The following LRRC56 variants were observed in gnomAD, a reference collection of about 807,000 sequenced individuals.
LRRC56 encodes leucine-rich repeat-containing protein 56.
Under a neutral mutation model 47.8 loss-of-function variants are expected in LRRC56, and 41 were observed. The observed-to-expected ratio is 0.86, with a 90% CI of 0.67 to 1.11. The LOEUF (loss-of-function observed/expected upper bound fraction) is 1.11. LRRC56 is among the 50% of genes most tolerant of loss of function. The probability of loss-of-function intolerance (pLI) is 0.00; values close to 1 mark genes in which losing one functional copy is unlikely to be tolerated. For missense variants in LRRC56, 759 were observed against 704.2 expected (o/e 1.08, Z -0.88); for synonymous variants, 387 against 311.2 (o/e 1.24, Z -2.56).
At chr11:548,983 C>G (rs1852226626) in intron 6 of LRRC56, among the ~76,000 whole-genome samples, 1 of 152,066 alleles carries the variant, frequency 6.6e-6, no homozygotes, top group African/African-American at 2.4e-5. Context: ...AAATCCCAGC[C>G]AATTCAGAGC....
chr11:535,435 C>T (rs1851431559), upstream of LRRC56: 1 of 146,030 alleles, frequency 6.8e-6, no homozygotes, highest in Admixed American at 6.9e-5. Flanking sequence ...GCGCGACTGC[C>T]CCCGGGGCCA....
rs754153185 is a variant in LRRC56 at position 552,523 on chromosome 11, C to T, written c.1182-46C>T. The T allele has an allele frequency of 1.6e-5, 24 of 1,531,596 alleles. 1 individual carries two copies. The highest frequency in any genetic ancestry group is 1.5e-4 in the African/African-American group (11 of 73,304). The allele number at this position is 1,531,596 out of a possible 1,614,324, so 94.9% of individuals were successfully genotyped here. ...TGGACCATCCCTATGTGTCCTGTCC[C>T]GTGGGGGGATCAGGGCTGGAGCTTC... On this transcript the variant is annotated intron_variant, in intron 12 of 13. Coordinates refer to ENST00000270115, the MANE Select transcript of LRRC56 (RefSeq NM_198075.4).
intron 3 of LRRC56, 91 bp from the exon 4 acceptor site, chr11:540,583 C>T (rs903464863): frequency 3.1e-5 from 31 of 986,652 alleles, no homozygotes; most frequent in Admixed American, 2.4e-4. Context: ...GTGACGGGGG[C>T]GGGGGGTTGA....
the LRRC56 span, among the ~76,000 whole-genome samples, chr11:507,480 C>T: frequency 4.9e-4 from 74 of 150,352 alleles, 1 homozygote; most frequent in South Asian, 1.0e-3. Flanking sequence ...GGGGCGGGGT[C>T]TGGCGGGCGC....
chr11:548,344 G>C (rs1262194438), intron 6 of LRRC56, among the ~76,000 whole-genome samples: 1 of 151,764 alleles, frequency 6.6e-6, no homozygotes, highest in Middle Eastern at 3.2e-3. Flanking sequence ...GCAGTGGTGC[G>C]ACCATGGCTT....
At chr11:508,809 C>G in the LRRC56 span, among the ~76,000 whole-genome samples, 2 of 151,578 alleles carry the variant, frequency 1.3e-5, no homozygotes, top group African/African-American at 4.9e-5. Flanking sequence ...TTTGGGAGGC[C>G]AAGGCAGGCA....
the LRRC56 span, among the ~76,000 whole-genome samples, chr11:525,353 C>A: frequency 6.6e-6 from 1 of 152,010 alleles, no homozygotes; most frequent in Non-Finnish European, 1.5e-5. Flanking sequence ...TCCTGGCTAA[C>A]ACGGTGAAGC....
At chr11:506,691 G>C in the LRRC56 span, 1 of 152,374 alleles carries the variant, frequency 6.6e-6, no homozygotes, top group South Asian at 2.1e-4. Flanking sequence ...TTCTTTGGGG[G>C]AATAAGGTCA....
At chr11:514,741 G>C in the LRRC56 span, among the ~76,000 whole-genome samples, 3,867 of 152,280 alleles carry the variant, frequency 0.025, 165 homozygotes, top group African/African-American at 0.088. Flanking sequence ...CTGCACTGTG[G>C]TATAAACATA....
chr11:536,672 G>A (rs1254857171), upstream of LRRC56, among the ~76,000 whole-genome samples: 1 of 152,250 alleles, frequency 6.6e-6, no homozygotes, highest in African/African-American at 2.4e-5. Flanking sequence ...TCGGGAGGCT[G>A]AGGCAGGAGA....
At chr11:521,014 C>T in the LRRC56 span, among the ~76,000 whole-genome samples, 1 of 152,358 alleles carries the variant, frequency 6.6e-6, no homozygotes, top group African/African-American at 2.4e-5. Flanking sequence ...CCGATGCTCT[C>T]GTCTTGTCTG....
At chr11:516,281 T>C in the LRRC56 span, among the ~76,000 whole-genome samples, 1 of 152,012 alleles carries the variant, frequency 6.6e-6, no homozygotes, top group Admixed American at 6.6e-5. Context: ...TAATCCCAGC[T>C]ACTCGGGAGG....
intron 1 of LRRC56, among the ~76,000 whole-genome samples, chr11:538,328 G>A (rs1851622330): frequency 6.6e-6 from 1 of 152,182 alleles, no homozygotes; most frequent in South Asian, 2.1e-4. Flanking sequence ...CCTCCATGAG[G>A]CTCGAGGCTG....
In LRRC56 at chr11:541,034, C is replaced by A. The variant is rs1429053064; in HGVS notation, c.177+173C>A. Among the ~76,000 whole-genome samples, 1 of 152,180 alleles carries A rather than the reference C, an allele frequency of 6.6e-6. No homozygotes were observed. The highest frequency in any genetic ancestry group is 1.5e-5 in the Non-Finnish European group (1 of 68,026). On this transcript the variant is annotated intron_variant, in intron 4 of 13. Transcript: ENST00000270115. This position sits in a 1 kb window ranked among gnomAD's most constrained non-coding sequence, Gnocchi z 4.1. ...CTGGGTCTGCTCCACCCACTCTGCC[C>A]TTGGGACCCCTACCAGGCCCCAAAA...
rs760327810 is a variant in LRRC56, at chr11:551,758, G to C, written c.904G>C (p.Gly302Arg). ...GCCCTTCTCCCTGCTGGTCCGTGGG[G>C]GCCCCCTGCCTGAAGGCCTGCTTTC... The part of the protein sequence containing the change: ...PWPFSLLVRG[G>R]PLPEGLLSED... The change falls in exon 10 of 14, where the codon GGC becomes CGC. Residue 302 changes from glycine (G) to arginine (R), a missense_variant. Physicochemically the swap from Gly to Arg is moderately radical, Grantham distance 125 (BLOSUM62 -2). Transcript: ENST00000270115. 11 of 1,610,950 alleles carry C rather than the reference G, an allele frequency of 6.8e-6. No individual in the cohort carries two copies. Among genetic ancestry groups the C allele is most frequent in the Admixed American group, 1.7e-5 (1 of 59,844 alleles).
At chr11:539,176 G>T (rs1851663008) in intron 2 of LRRC56, among the ~76,000 whole-genome samples, 1 of 152,182 alleles carries the variant, frequency 6.6e-6, no homozygotes, top group Non-Finnish European at 1.5e-5. Flanking sequence ...CACCTCCTGG[G>T]TTCATGCCAT....
the LRRC56 span, among the ~76,000 whole-genome samples, chr11:514,580 C>CTAT: frequency 0.37 from 56,068 of 151,190 alleles, 11,052 homozygotes; most frequent in African/African-American, 0.52. Flanking sequence ...TGTGCCCAGC[C>CTAT]TATTATTATT....
At chr11:521,655 C>T in the LRRC56 span, among the ~76,000 whole-genome samples, 45 of 152,206 alleles carry the variant, frequency 3.0e-4, no homozygotes, top group Non-Finnish European at 6.2e-4. Context: ...TGGCTCACGC[C>T]TGTAATCCCA....
At chr11:549,059 G>T (rs979059483) in intron 6 of LRRC56, among the ~76,000 whole-genome samples, 3 of 152,124 alleles carry the variant, frequency 2.0e-5, no homozygotes, top group African/African-American at 7.2e-5. Context: ...GCGAAAGGAC[G>T]GACCACCGGG....
Sources: gnomAD v4.1 joint callset for allele counts (sites outside exome capture counted in the v4.1 genomes callset) on GRCh38, gnomAD v4.1.1 for gene constraint, Gnocchi (gnomAD v3.1) non-coding constraint, MANE v1.5 for transcripts, NCBI Gene and HGNC (gene_info 2026-07-23, HGNC 2026-07-21) for gene names.